The following TRIM5 variants were observed in gnomAD, a reference collection of about 807,000 sequenced individuals.
TRIM5 encodes tripartite motif containing 5.
TRIM5 carries 31 observed loss-of-function variants against 35.6 expected under a neutral mutation model. The ratio of observed to expected loss-of-function variants is 0.87; its 90% CI spans 0.65 to 1.18. The LOEUF is 1.18. Ranked by LOEUF, TRIM5 falls within the 50% of genes most tolerant of loss-of-function variation. TRIM5 has a pLI of 0.00. For synonymous variants in TRIM5, 243 were observed against 215.6 expected, an observed-to-expected ratio of 1.13 and a Z score of -1.11; for missense variants, 609 against 591.6, an observed-to-expected ratio of 1.03 and a Z score of -0.31.
the TRIM5 span, among the ~76,000 whole-genome samples, chr11:5,604,219 G>A: frequency 6.6e-6 from 1 of 151,982 alleles, no homozygotes; most frequent in Non-Finnish European, 1.5e-5. Flanking sequence ...TTGCCATGTT[G>A]CCCAGGCTGA....
intron 1 of TRIM5, among the ~76,000 whole-genome samples, chr11:5,681,385 A>G (rs539898566): frequency 4.6e-5 from 7 of 152,176 alleles, no homozygotes; most frequent in Non-Finnish European, 1.0e-4. Context: ...GAGCTTATAT[A>G]CCTTCTAAGC....
downstream of TRIM5, among the ~76,000 whole-genome samples, chr11:5,658,470 A>G (rs1158668225): frequency 1.3e-5 from 2 of 152,228 alleles, no homozygotes; most frequent in Non-Finnish European, 2.9e-5. Context: ...GGATACAGAA[A>G]GCCCTCTGTC....
the TRIM5 span, among the ~76,000 whole-genome samples, chr11:5,604,029 T>C: frequency 1.3e-5 from 2 of 152,224 alleles, no homozygotes; most frequent in South Asian, 4.2e-4. Flanking sequence ...GGCGTCTCGC[T>C]CTGTCGCCCA....
the TRIM5 span, among the ~76,000 whole-genome samples, chr11:5,632,011 A>C: frequency 6.6e-6 from 1 of 152,198 alleles, no homozygotes; most frequent in East Asian, 1.9e-4. Context: ...GAGAAAGTTG[A>C]AAAAAGTATA....
At chr11:5,593,222 T>C in the TRIM5 span, among the ~76,000 whole-genome samples, 1 of 152,246 alleles carries the variant, frequency 6.6e-6, no homozygotes, top group Non-Finnish European at 1.5e-5. Flanking sequence ...CTATCCTGAA[T>C]TCTCAAGCAT....
intron 4 of TRIM5, among the ~76,000 whole-genome samples, chr11:5,677,059 T>C (rs965922713): frequency 3.3e-5 from 5 of 152,128 alleles, no homozygotes; most frequent in African/African-American, 7.2e-5. Flanking sequence ...ACTTCATGTC[T>C]AAAACACCAA....
At chr11:5,592,371 C>A in the TRIM5 span, among the ~76,000 whole-genome samples, 2 of 152,120 alleles carry the variant, frequency 1.3e-5, no homozygotes, top group African/African-American at 4.8e-5. Context: ...CACAATAACT[C>A]TATGCAGTAG....
the TRIM5 span, among the ~76,000 whole-genome samples, chr11:5,627,624 T>G: frequency 6.6e-6 from 1 of 152,200 alleles, no homozygotes; most frequent in Non-Finnish European, 1.5e-5. Flanking sequence ...ACTACAGCTC[T>G]TGGGGAGAGA....
chr11:5,662,458 T>C (rs1370363463), downstream of TRIM5, among the ~76,000 whole-genome samples: 1 of 150,822 alleles, frequency 6.6e-6, no homozygotes, highest in Non-Finnish European at 1.5e-5. Flanking sequence ...TAATGAAGAG[T>C]CAGGCTAACC....
At chr11:5,632,182 T>G in the TRIM5 span, 3 of 1,513,688 alleles carry the variant, frequency 2.0e-6, no homozygotes, top group Middle Eastern at 5.6e-4. Flanking sequence ...TCTCGGCCAG[T>G]CTTTATTGTC....
At chr11:5,616,135 T>C in the TRIM5 span, among the ~76,000 whole-genome samples, 2 of 149,184 alleles carry the variant, frequency 1.3e-5, no homozygotes, top group Non-Finnish European at 3.0e-5. Context: ...GTATTTTTAG[T>C]AGAGGCGGGG....
chr11:5,641,044 G>T, the TRIM5 span: 2 of 1,343,460 alleles, frequency 1.5e-6, no homozygotes, highest in South Asian at 1.9e-5. Context: ...TGCCAATTTT[G>T]TTGACATTTT....
At chr11:5,615,587 TG>T in the TRIM5 span, among the ~76,000 whole-genome samples, 30,676 of 116,074 alleles carry the variant, frequency 0.26, 3,378 homozygotes, top group Non-Finnish European at 0.3. Flanking sequence ...GTTTTTTTTT[TG>T]TTGTTGTTGT....
chr11:5,597,017 CT>C, the TRIM5 span: 1 of 1,570,478 alleles, frequency 6.4e-7, no homozygotes, highest in East Asian at 2.3e-5. Context: ...CTCATTATAT[CT>C]TTATTTCTTT....
chr11:5,606,765 G>C, the TRIM5 span, among the ~76,000 whole-genome samples: 1 of 152,094 alleles, frequency 6.6e-6, no homozygotes, highest in African/African-American at 2.4e-5. Flanking sequence ...TGCTAGTTTA[G>C]ACACTTCCAC....
At chr11:5,596,925 C>T in the TRIM5 span, 2 of 1,614,022 alleles carry the variant, frequency 1.2e-6, no homozygotes, top group Non-Finnish European at 1.7e-6. Context: ...GTATGTCTAC[C>T]GTTCTGTTGA....
chr11:5,679,000 A>T, intron 3 of TRIM5, 74 bp downstream of exon 3: 1 of 1,202,434 alleles, frequency 8.3e-7, no homozygotes, highest in Non-Finnish European at 1.2e-6. Context: ...TCAGGGAATA[A>T]AGAGGAAGAA....
At chr11:5,600,694 C>CTA in the TRIM5 span, among the ~76,000 whole-genome samples, 96,549 of 151,784 alleles carry the variant, frequency 0.64, 30,821 homozygotes, top group Middle Eastern at 0.8. Flanking sequence ...CCCACACGGA[C>CTA]TGTTTTTTAC....
At chr11:5,660,393 A>T (rs894459804), downstream of TRIM5, among the ~76,000 whole-genome samples, 1 of 152,142 alleles carries the variant, frequency 6.6e-6, no homozygotes, top group Non-Finnish European at 1.5e-5. Flanking sequence ...AAACTCCCCC[A>T]ATACTGTTGT....
Sources: allele counts gnomAD v4.1 joint callset (sites outside exome capture counted in the v4.1 genomes callset), GRCh38; gene constraint gnomAD v4.1.1; transcripts MANE v1.5; gene names NCBI Gene and HGNC (gene_info 2026-07-23, HGNC 2026-07-21).